The following RCL1 variants were observed in gnomAD, a reference collection of about 807,000 sequenced individuals.
RCL1 encodes RNA terminal phosphate cyclase like 1.
In RCL1, 24 loss-of-function variants were observed where a neutral mutation model predicts 42.4. That is an observed-to-expected ratio of 0.57 (90% CI 0.41 to 0.80). The LOEUF is 0.80. RCL1 is among the 30% of genes least tolerant of loss of function. The pLI is 0.00. For missense variants in RCL1, 578 were observed against 467.9 expected, an observed-to-expected ratio of 1.24 and a Z score of -2.17; for synonymous variants, 228 against 177.3, an observed-to-expected ratio of 1.29 and a Z score of -2.27.
At chr9:4,847,495 G>C (rs1817561921) in intron 7 of RCL1, among the ~76,000 whole-genome samples, 1 of 152,090 alleles carries the variant, frequency 6.6e-6, no homozygotes, top group South Asian at 2.1e-4. Flanking sequence ...CAGGCTTTCT[G>C]GAACTGCCTT....
At chr9:4,837,493 T>C (rs895473089) in intron 5 of RCL1, among the ~76,000 whole-genome samples, 3 of 152,208 alleles carry the variant, frequency 2.0e-5, no homozygotes, top group African/African-American at 7.2e-5. Flanking sequence ...TAATGCTGTA[T>C]TGGCGGCCGT....
At chr9:4,846,260 T>A (rs1817509178) in intron 7 of RCL1, among the ~76,000 whole-genome samples, 1 of 152,146 alleles carries the variant, frequency 6.6e-6, no homozygotes, top group Admixed American at 6.5e-5. Flanking sequence ...ACCATCTAAT[T>A]AAAAATGGAA....
intron 5 of RCL1, among the ~76,000 whole-genome samples, chr9:4,837,415 T>C (rs1280985048): frequency 6.6e-6 from 1 of 152,218 alleles, no homozygotes; most frequent in Non-Finnish European, 1.5e-5. Context: ...GAATACACTT[T>C]CAGTACTATT....
chr9:4,858,866 C>G (rs2129759134), intron 8 of RCL1, among the ~76,000 whole-genome samples: 1 of 152,246 alleles, frequency 6.6e-6, no homozygotes, highest in South Asian at 2.1e-4. Flanking sequence ...TTCACTAAGC[C>G]AGTATTCCCT....
intron 5 of RCL1, among the ~76,000 whole-genome samples, chr9:4,835,153 G>A (rs1455890127): frequency 2.0e-5 from 3 of 152,126 alleles, no homozygotes; most frequent in Non-Finnish European, 2.9e-5. Flanking sequence ...ATGGTAGAAT[G>A]GGGCATGAAG....
intron 1 of RCL1, among the ~76,000 whole-genome samples, chr9:4,797,219 G>A (rs1842927176): frequency 1.3e-5 from 2 of 152,194 alleles, no homozygotes; most frequent in South Asian, 2.1e-4. Context: ...AGGACTAAAT[G>A]AAATAATACT....
intron 6 of RCL1, among the ~76,000 whole-genome samples, chr9:4,842,760 A>G (rs192569847): frequency 6.6e-6 from 1 of 152,072 alleles, no homozygotes; most frequent in East Asian, 1.9e-4. Context: ...TGTGTCAGCT[A>G]TTTTCTGGAG....
At chr9:4,803,145 A>C (rs1307597803) in intron 1 of RCL1, among the ~76,000 whole-genome samples, 2 of 152,006 alleles carry the variant, frequency 1.3e-5, no homozygotes, top group Non-Finnish European at 2.9e-5. Flanking sequence ...ACTGCATCTG[A>C]CCAAAATGTT....
Position 4,798,881 on chromosome 9 carries a change from T to C in RCL1, c.136+5654T>C, listed in dbSNP as rs868769331. Among the ~76,000 whole-genome samples the C allele has an allele frequency of 9.5e-4, 130 of 136,992 alleles. 2 individuals carry two copies. The highest frequency in any genetic ancestry group is 3.6e-3 in the African/African-American group (121 of 33,954). The allele number at this position is 136,992 out of a possible 152,430, so 89.9% of individuals were successfully genotyped here. On this transcript the variant is annotated intron_variant, in intron 1 of 8. Coordinates refer to ENST00000381750, the MANE Select transcript of RCL1 (RefSeq NM_005772.5). ...GCTGCCCAAAATAAGACTTCTTCTT[T>C]TTTTTTTTTTTTTTTTAAAGGCAAA...
chr9:4,849,363 G>A, intron 7 of RCL1, 84 bp from the exon 8 acceptor site: 2 of 955,630 alleles, frequency 2.1e-6, no homozygotes, highest in Middle Eastern at 2.1e-4. Flanking sequence ...TATTATGAGT[G>A]TATGTTTCTG....
chr9:4,822,184 T>C (rs1816616907), intron 1 of RCL1, among the ~76,000 whole-genome samples: 2 of 152,204 alleles, frequency 1.3e-5, no homozygotes, highest in Admixed American at 1.3e-4. Flanking sequence ...TGTAACAGAC[T>C]AGGTAGATGG....
At chr9:4,846,774 A>C (rs1222362977) in intron 7 of RCL1, among the ~76,000 whole-genome samples, 1 of 152,234 alleles carries the variant, frequency 6.6e-6, no homozygotes, top group Non-Finnish European at 1.5e-5. Context: ...GCCTATGGGC[A>C]CAGCTAGAGT....
intron 6 of RCL1, among the ~76,000 whole-genome samples, chr9:4,842,768 G>T (rs541737708): frequency 6.6e-6 from 1 of 152,270 alleles, no homozygotes; most frequent in Non-Finnish European, 1.5e-5. Context: ...CTATTTTCTG[G>T]AGAAAGGGGA....
chr9:4,796,030 A>T (rs552456544), intron 1 of RCL1, among the ~76,000 whole-genome samples: 1 of 152,194 alleles, frequency 6.6e-6, no homozygotes, highest in Non-Finnish European at 1.5e-5. Flanking sequence ...ATCTGGACAG[A>T]TAGGATTGAG....
intron 1 of RCL1, among the ~76,000 whole-genome samples, chr9:4,807,770 G>A (rs567192602): frequency 9.5e-4 from 145 of 152,224 alleles, no homozygotes; most frequent in African/African-American, 3.2e-3. Context: ...CCGCCTGCCT[G>A]AGCCTCCCAA....
At chr9:4,824,530 T>A (rs963108375) in intron 2 of RCL1, among the ~76,000 whole-genome samples, 3 of 152,174 alleles carry the variant, frequency 2.0e-5, no homozygotes, top group Non-Finnish European at 4.4e-5. Flanking sequence ...TTGATAAACA[T>A]TTAGGTTGTT....
rs202100230 is a variant in RCL1, at chr9:4,825,592, A to C, written c.209-1266A>C. Among the ~76,000 whole-genome samples, 16 of 152,326 alleles carry C rather than the reference A, an allele frequency of 1.1e-4. No homozygotes were observed. In the East Asian group the frequency reaches 3.1e-3, roughly 29 times the overall value. ...CTTTTTCCCATTTGAGTGACTGAAC[A>C]TGCCTCCTTCCTCTAATGTTAAATA... is the stretch of plus-strand genomic sequence containing the variant. On this transcript the variant is annotated intron_variant, in intron 2 of 8. Coordinates refer to ENST00000381750, the MANE Select transcript of RCL1 (RefSeq NM_005772.5).
intron 1 of RCL1, among the ~76,000 whole-genome samples, chr9:4,820,856 T>C (rs1283529220): frequency 1.3e-5 from 2 of 152,256 alleles, no homozygotes; most frequent in Non-Finnish European, 2.9e-5. Context: ...ACTCCTGTGA[T>C]GCTACTTACA....
rs1252471789 is a variant in RCL1 at position 4,860,961 on chromosome 9, C to T, written c.*686C>T. 1.3e-5 allele frequency: 2 copies of T among 152,086 alleles called. No homozygotes were observed. The highest frequency in any genetic ancestry group is 6.6e-5 in the Admixed American group (1 of 15,264). 9.4% of individuals were successfully genotyped at this position (152,086 alleles called of 1,614,324 possible). ...GCTGTACATTCTTATTTTATTTTCA[C>T]AATAGCTCTGTGATGTAAGTGCTAT... On this transcript the variant is annotated 3_prime_UTR_variant, in exon 9 of 9. Coordinates refer to ENST00000381750, the MANE Select transcript of RCL1 (RefSeq NM_005772.5).
Sources: gnomAD v4.1 joint callset for allele counts (sites outside exome capture counted in the v4.1 genomes callset) on GRCh38, gnomAD v4.1.1 for gene constraint, MANE v1.5 for transcripts, NCBI Gene and HGNC (gene_info 2026-07-23, HGNC 2026-07-21) for gene names.